Variants in CRPPA observed in about 807,000 individuals in gnomAD.
CRPPA encodes CDP-L-ribitol pyrophosphorylase A, also known as D-ribitol-5-phosphate cytidylyltransferase.
Under a neutral mutation model 52.0 loss-of-function variants are expected in CRPPA, and 43 were observed. That is an observed-to-expected ratio of 0.83 (90% confidence interval 0.65 to 1.07). The LOEUF (loss-of-function observed/expected upper bound fraction) is 1.07, where lower values mean the gene tolerates loss of function less well. Among genes scored for constraint, CRPPA ranks in the 50% least tolerant of loss-of-function variants. CRPPA has a pLI of 0.00. For missense variants in CRPPA, 629 were observed against 551.7 expected (o/e 1.14, Z -1.40); for synonymous variants, 250 against 203.5 (o/e 1.23, Z -1.94).
chr7:16,163,804 G>C (rs1204395189), intron 9 of CRPPA, among the ~76,000 whole-genome samples: 3 of 152,076 alleles, frequency 2.0e-5, no homozygotes, highest in African/African-American at 7.2e-5. Flanking sequence ...TGAAATTCTG[G>C]GTTGAAAATT....
At chr7:16,289,753 C>T (rs1474848162) in intron 5 of CRPPA, among the ~76,000 whole-genome samples, 2 of 152,130 alleles carry the variant, frequency 1.3e-5, no homozygotes, top group African/African-American at 4.8e-5. Flanking sequence ...GAAAGCCTTT[C>T]CTCTAAGAGG....
At chr7:16,160,665 A>G (rs752190151) in intron 9 of CRPPA, among the ~76,000 whole-genome samples, 7 of 152,196 alleles carry the variant, frequency 4.6e-5, no homozygotes, top group Non-Finnish European at 1.0e-4. Flanking sequence ...TTGGTTCAAT[A>G]TGAAATTTTA....
chr7:16,313,925 T>G (rs1159145358), intron 3 of CRPPA, among the ~76,000 whole-genome samples: 1 of 151,976 alleles, frequency 6.6e-6, no homozygotes, highest in Non-Finnish European at 1.5e-5. Flanking sequence ...GCCCAGAAAG[T>G]GGTCTATCTT....
chr7:16,215,939 A>G, intron 9 of CRPPA, 127 bp downstream of exon 9: 2 of 718,748 alleles, frequency 2.8e-6, no homozygotes, highest in Non-Finnish European at 4.5e-6. Flanking sequence ...TAGCACACAC[A>G]TAGATGAGTA....
intron 9 of CRPPA, among the ~76,000 whole-genome samples, chr7:16,185,975 C>A (rs1197707650): frequency 2.0e-5 from 3 of 152,116 alleles, no homozygotes; most frequent in African/African-American, 7.2e-5. Flanking sequence ...ATGTTCAGAG[C>A]AGTACCAATA....
At position 16,125,209 on chromosome 7, in the gene CRPPA, G is replaced by A. The variant is rs1019551318; in HGVS notation, c.1252-33410C>T. 1.2e-4 allele frequency among the ~76,000 whole-genome samples: 17 copies of A among 136,480 alleles called. 1 individual carries two copies. Among genetic ancestry groups the A allele is most frequent in the African/African-American group, 3.8e-4 (14 of 36,544 alleles). 89.5% of individuals were successfully genotyped at this position (136,480 alleles called of 152,430 possible). On this transcript the variant is annotated intron_variant, in intron 9 of 9. Transcript: ENST00000407010. ...TGGGAGGCAGAGGCTGCAGTGAGCCGAGATCATACCACTGCACTCCAGCCT... is the reference window on the plus strand; with the variant it reads ...TGGGAGGCAGAGGCTGCAGTGAGCCAAGATCATACCACTGCACTCCAGCCT...
rs371926716 is a variant in CRPPA, at chr7:16,250,510, G to A, written c.1119+7880C>T. Among the ~76,000 whole-genome samples, 18 of 152,268 alleles carry A rather than the reference G, an allele frequency of 1.2e-4. No homozygotes were observed. In the East Asian group the frequency reaches 2.7e-3, roughly 23 times the overall value. ...TTACCCACAAAGGGAAGCCCATCAGGCTAACAGCAGCTCTCTCAGCAGAAA... is the reference window on the plus strand; with the variant it reads ...TTACCCACAAAGGGAAGCCCATCAGACTAACAGCAGCTCTCTCAGCAGAAA... On this transcript the variant is annotated intron_variant, in intron 8 of 9. Transcript: ENST00000407010.
chr7:16,159,868 T>G (rs1322934589), intron 9 of CRPPA, among the ~76,000 whole-genome samples: 1 of 152,116 alleles, frequency 6.6e-6, no homozygotes, highest in Non-Finnish European at 1.5e-5. Flanking sequence ...TCTCCAGGAT[T>G]TGTTGTTTCC....
intron 3 of CRPPA, 29 bp from the exon 4 acceptor site, chr7:16,308,656 T>G (rs774787062): frequency 4.7e-6 from 6 of 1,272,120 alleles, no homozygotes; most frequent in Non-Finnish European, 6.8e-6. Context: ...CAACAACAAT[T>G]AAGCTAAAAT....
intron 9 of CRPPA, among the ~76,000 whole-genome samples, chr7:16,092,811 C>T (rs1347441582): frequency 6.6e-6 from 1 of 152,136 alleles, no homozygotes; most frequent in Non-Finnish European, 1.5e-5. Context: ...GTCTCTTATC[C>T]TCTCGGCCTC....
At chr7:16,395,277 T>A (rs917130641) in intron 2 of CRPPA, among the ~76,000 whole-genome samples, 1 of 152,244 alleles carries the variant, frequency 6.6e-6, no homozygotes, top group African/African-American at 2.4e-5. Flanking sequence ...AAATGTGGAA[T>A]AATAAACCCC....
intron 3 of CRPPA, among the ~76,000 whole-genome samples, chr7:16,314,455 G>A (rs1785099907): frequency 6.6e-6 from 1 of 151,884 alleles, no homozygotes; most frequent in South Asian, 2.1e-4. Flanking sequence ...TTATTGTTTT[G>A]AACAAAGTTA....
intron 9 of CRPPA, among the ~76,000 whole-genome samples, chr7:16,096,166 T>C (rs994165587): frequency 1.3e-5 from 2 of 152,058 alleles, no homozygotes; most frequent in African/African-American, 4.8e-5. Flanking sequence ...TAGAACAAAT[T>C]TCATATTCCT....
chr7:16,207,823 C>A (rs894524994), intron 9 of CRPPA, among the ~76,000 whole-genome samples: 1 of 152,176 alleles, frequency 6.6e-6, no homozygotes, highest in African/African-American at 2.4e-5. Flanking sequence ...AGGAGTTTTA[C>A]TGAGTAAATA....
chr7:16,403,363 T>A (rs6947550), intron 2 of CRPPA, among the ~76,000 whole-genome samples: 44,379 of 151,902 alleles, frequency 0.29, 6,655 homozygotes, highest in South Asian at 0.39. Context: ...GATATCTGAG[T>A]CTCTTGAGGC....
intron 3 of CRPPA, among the ~76,000 whole-genome samples, chr7:16,368,838 A>G (rs922235897): frequency 2.0e-5 from 3 of 152,138 alleles, no homozygotes; most frequent in African/African-American, 4.8e-5. Context: ...TACTTCCAAT[A>G]ATTTTTCAGA....
intron 3 of CRPPA, among the ~76,000 whole-genome samples, chr7:16,343,396 T>C (rs528548419): frequency 8.1e-4 from 124 of 152,162 alleles, no homozygotes; most frequent in African/African-American, 2.8e-3. Flanking sequence ...CATTGTACAA[T>C]TACAGTAAAA....
intron 9 of CRPPA, among the ~76,000 whole-genome samples, chr7:16,202,470 G>A (rs1347043578): frequency 6.6e-6 from 1 of 152,118 alleles, no homozygotes. Context: ...CAGTCACTGA[G>A]GGCCTACACT....
chr7:16,407,363 C>G (rs1787979419), intron 1 of CRPPA, among the ~76,000 whole-genome samples: 1 of 152,160 alleles, frequency 6.6e-6, no homozygotes, highest in Non-Finnish European at 1.5e-5. Flanking sequence ...TAGAGTCTGG[C>G]AGACTTGTCT....
Sources: allele counts gnomAD v4.1 joint callset (sites outside exome capture counted in the v4.1 genomes callset), GRCh38; gene constraint gnomAD v4.1.1; transcripts MANE v1.5; gene names NCBI Gene and HGNC (gene_info 2026-07-23, HGNC 2026-07-21).